The following KIF11 variants were observed in gnomAD, a reference collection of about 807,000 sequenced individuals.
KIF11 encodes kinesin family member 11, also known as kinesin-like protein KIF11.
Under a neutral mutation model 121.0 loss-of-function variants are expected in KIF11, and 9 were observed. The observed-to-expected ratio is 0.07, with a 90% CI of 0.04 to 0.13. The LOEUF (loss-of-function observed/expected upper bound fraction) is 0.13, where lower values mean the gene tolerates loss of function less well. Ranked by LOEUF, KIF11 falls within the 10% of genes least tolerant of loss-of-function variation. The probability of loss-of-function intolerance (pLI) is 1.00; values close to 1 mark genes in which losing one functional copy is unlikely to be tolerated. For synonymous variants in KIF11, 408 were observed against 421.0 expected (o/e 0.97, Z 0.38); for missense variants, 846 against 1,217.5 (o/e 0.69, Z 4.54).
At chr10:92,614,085 T>C (rs561263567) in intron 8 of KIF11, among the ~76,000 whole-genome samples, 2 of 140,074 alleles carry the variant, frequency 1.4e-5, no homozygotes, top group Non-Finnish European at 3.1e-5. Context: ...GGAAAAAAAG[T>C]TCATTTAGTA....
chr10:92,646,155 T>A (rs1225119507), intron 18 of KIF11, among the ~76,000 whole-genome samples: 2 of 152,106 alleles, frequency 1.3e-5, no homozygotes, highest in African/African-American at 4.8e-5. Flanking sequence ...GGTTTCACTA[T>A]ATTGGCCAGG....
intron 11 of KIF11, 130 bp from the exon 12 acceptor site, chr10:92,630,046 A>G (rs1844719708): frequency 1.8e-6 from 1 of 560,110 alleles, no homozygotes; most frequent in Admixed American, 3.7e-5. Flanking sequence ...AGGATGACAT[A>G]TTTGTGTTAA....
chr10:92,606,353 G>C lies in KIF11; in HGVS notation c.166G>C (p.Gly56Arg). 1 of 1,612,412 alleles carries C rather than the reference G, an allele frequency of 6.2e-7. No homozygotes were observed. Among genetic ancestry groups the C allele is most frequent in the Non-Finnish European group, 8.5e-7 (1 of 1,179,580 alleles). Residue 56 changes from glycine to arginine, a missense_variant, in exon 2 of 22, where the codon GGA becomes CGA. This residue lies in a region of KIF11 where 140 missense variants were observed against 193.5 expected (regional missense o/e 0.72). Coordinates refer to ENST00000260731, the MANE Select transcript of KIF11 (RefSeq NM_004523.4). ...VRKEVSVRTG[G>R]LADKSSRKTY... ...AAAAGAAGTTAGTGTACGAACTGGA[G>C]GATTGGCTGACAAGAGCTCAAGGAA...
intron 20 of KIF11, 138 bp from the exon 21 acceptor site, chr10:92,650,263 G>A (rs1463181766): frequency 1.6e-6 from 1 of 635,412 alleles, no homozygotes. Flanking sequence ...TCATTAATTT[G>A]TAGACTTTCT....
chr10:92,617,404 C>A (rs1300617600), intron 9 of KIF11, among the ~76,000 whole-genome samples: 2 of 152,146 alleles, frequency 1.3e-5, no homozygotes, highest in Non-Finnish European at 2.9e-5. Flanking sequence ...TAGTTTATTT[C>A]TTTTTATTGC....
intron 1 of KIF11, chr10:92,597,121 CT>C: frequency 3.4e-6 from 1 of 291,968 alleles, no homozygotes. Flanking sequence ...GTTTCTTCTG[CT>C]TTGGCCCTTT....
intron 1 of KIF11, among the ~76,000 whole-genome samples, chr10:92,599,158 G>A (rs58988864): frequency 0.15 from 22,706 of 151,844 alleles, 3,611 homozygotes; most frequent in African/African-American, 0.4. Context: ...ATTCTTTTTG[G>A]TGCTATTTTA....
chr10:92,653,916 GCT>G lies in KIF11; in HGVS notation c.*122_*123del. 1 of 813,670 alleles carries G rather than the reference GCT, an allele frequency of 1.2e-6. No individual in the cohort carries two copies. The highest frequency in any genetic ancestry group is 1.9e-6 in the Non-Finnish European group (1 of 540,240). The allele number at this position is 813,670 out of a possible 1,614,324, so 50.4% of individuals were successfully genotyped here. On this transcript the variant is annotated 3_prime_UTR_variant, in exon 22 of 22. Coordinates refer to ENST00000260731, the MANE Select transcript of KIF11 (RefSeq NM_004523.4). Reference sequence around the variant, plus strand: ...ATATATATATCAGCCGGGCGCGGTGGCTCATGCCTGTAATCCCAGCACTTTGG... The same window carrying G: ...ATATATATATCAGCCGGGCGCGGTGGCATGCCTGTAATCCCAGCACTTTGG...
rs1244856244 is a variant in KIF11 at position 92,609,411 on chromosome 10, A to G, written c.600A>G (p.Glu200=). Residue 200 remains glutamate, a synonymous_variant, in exon 6 of 22, where the codon GAA becomes GAG. Coordinates refer to ENST00000260731, the MANE Select transcript of KIF11 (RefSeq NM_004523.4). ...GAGGAGTGATAATTAAAGGTTTAGA[A>G]GAAATTACAGTACACAACAAGGATG... is the stretch of plus-strand genomic sequence containing the variant. ...NKRGVIIKGL[E]EITVHNKDEV... 1.2e-6 allele frequency: 2 copies of G among 1,613,274 alleles called. No individual in the cohort carries two copies. The highest frequency in any genetic ancestry group is 1.7e-6 in the Non-Finnish European group (2 of 1,179,820).
At chr10:92,622,995 A>C (rs1015372001) in intron 10 of KIF11, among the ~76,000 whole-genome samples, 2 of 152,236 alleles carry the variant, frequency 1.3e-5, no homozygotes, top group African/African-American at 4.8e-5. Flanking sequence ...GTCCATCTTT[A>C]TCACTCGGTT....
intron 14 of KIF11, among the ~76,000 whole-genome samples, chr10:92,636,506 C>T (rs1844798576): frequency 6.6e-6 from 1 of 151,786 alleles, no homozygotes; most frequent in South Asian, 2.1e-4. Flanking sequence ...ATCCCAGCTA[C>T]TTGGGAGGCT....
chr10:92,621,902 A>G (rs888079208), intron 10 of KIF11, among the ~76,000 whole-genome samples: 2 of 152,210 alleles, frequency 1.3e-5, no homozygotes, highest in Non-Finnish European at 2.9e-5. Context: ...TCATTAATTC[A>G]TGTGAAGTTT....
At chr10:92,630,049 T>C (rs1844719791) in intron 11 of KIF11, 127 bp from the exon 12 acceptor site, 1 of 561,624 alleles carries the variant, frequency 1.8e-6, no homozygotes. Context: ...ATGACATATT[T>C]GTGTTAACCT....
At chr10:92,651,820 T>G (rs1283037224) in intron 21 of KIF11, among the ~76,000 whole-genome samples, 1 of 152,010 alleles carries the variant, frequency 6.6e-6, no homozygotes, top group Non-Finnish European at 1.5e-5. Flanking sequence ...CAAGTGAGGC[T>G]CTATAAAGTG....
At chr10:92,606,590 ATTT>A in intron 2 of KIF11, 26 bp from the exon 3 acceptor site, 1 of 1,117,668 alleles carries the variant, frequency 8.9e-7, no homozygotes, top group Non-Finnish European at 1.3e-6. Flanking sequence ...TTTGAGGTTG[ATTT>A]TTTTTTTTTT....
chr10:92,632,381 T>C, intron 12 of KIF11, 105 bp from the exon 13 acceptor site: 7 of 765,934 alleles, frequency 9.1e-6, no homozygotes, highest in Non-Finnish European at 1.5e-5. Context: ...TTGGCCAGGC[T>C]GGAAAATTTA....
At chr10:92,593,541 A>ATTTC in intron 1 of KIF11, 89 bp downstream of exon 1, 1 of 1,122,464 alleles carries the variant, frequency 8.9e-7, no homozygotes. Flanking sequence ...TTTTATTTGC[A>ATTTC]TTTCCTGAGG....
chr10:92,647,741 T>C (rs1486193240), intron 18 of KIF11, among the ~76,000 whole-genome samples: 3 of 152,146 alleles, frequency 2.0e-5, no homozygotes, highest in African/African-American at 7.2e-5. Flanking sequence ...ACTCCACTTG[T>C]TGGTAAATGT....
chr10:92,593,234 ACCTGCGTGCG>A lies in KIF11; in HGVS notation c.-141_-132del. On this transcript the variant is annotated 5_prime_UTR_variant, in exon 1 of 22. Transcript: ENST00000260731. ...TACCGGGTAGAGAGCGGGGACGCCG[ACCTGCGTGCG>A]TCGGTCCTCCAGGCCACGCCAGCGC... The A allele has an allele frequency of 1.4e-6, 1 of 719,732 alleles. No homozygotes were observed. Among genetic ancestry groups the A allele is most frequent in the Non-Finnish European group, 2.3e-6 (1 of 435,848 alleles). 44.6% of individuals were successfully genotyped at this position (719,732 alleles called of 1,614,324 possible).
Sources: gnomAD v4.1 joint callset for allele counts (sites outside exome capture counted in the v4.1 genomes callset) on GRCh38, gnomAD v4.1.1 for gene constraint, gnomAD v4.1.1 regional missense constraint, MANE v1.5 for transcripts, NCBI Gene and HGNC (gene_info 2026-07-23, HGNC 2026-07-21) for gene names.